Variants in CSMD1 observed in about 807,000 individuals in gnomAD.
CSMD1 encodes the protein CUB and Sushi multiple domains 1, also known as CUB and sushi domain-containing protein 1.
Under a neutral mutation model 417.5 loss-of-function variants are expected in CSMD1, and 213 were observed. The observed-to-expected ratio is 0.51, with a 90% CI of 0.46 to 0.57. CSMD1 has a LOEUF of 0.57. Ranked by LOEUF, CSMD1 falls within the 20% of genes least tolerant of loss-of-function variation. The pLI is 0.00. For synonymous variants in CSMD1, 2,862 were observed against 1,736.8 expected (o/e 1.65, Z -16.11); for missense variants, 6,923 against 4,529.7 (o/e 1.53, Z -15.17).
intron 1 of CSMD1, among the ~76,000 whole-genome samples, chr8:4,672,717 T>G (rs1397714156): frequency 6.6e-6 from 1 of 151,980 alleles, no homozygotes; most frequent in African/African-American, 2.4e-5. Flanking sequence ...CATGCACACA[T>G]GGTGACACAA....
chr8:3,002,514 C>A (rs1449999686), intron 52 of CSMD1, among the ~76,000 whole-genome samples: 1 of 152,164 alleles, frequency 6.6e-6, no homozygotes, highest in African/African-American at 2.4e-5. Context: ...ACTTCTGAAG[C>A]CTGGAACCAC....
At chr8:4,418,329 TC>T (rs937702810) in intron 3 of CSMD1, among the ~76,000 whole-genome samples, 38 of 152,184 alleles carry the variant, frequency 2.5e-4, no homozygotes, top group Non-Finnish European at 4.4e-4. Context: ...GAAATATTTT[TC>T]CAACATAGAC....
intron 2 of CSMD1, among the ~76,000 whole-genome samples, chr8:4,469,819 A>G (rs995279484): frequency 3.3e-5 from 5 of 151,686 alleles, no homozygotes; most frequent in African/African-American, 1.2e-4. Context: ...AGGGAACCCA[A>G]AGTCCTTAAA....
At chr8:4,203,885 G>C (rs968011325) in intron 3 of CSMD1, among the ~76,000 whole-genome samples, 2 of 152,102 alleles carry the variant, frequency 1.3e-5, no homozygotes, top group African/African-American at 2.4e-5. Context: ...TGGATCCCTT[G>C]AGCCAAGGAG....
At chr8:3,228,293 C>T (rs1380844625) in intron 27 of CSMD1, among the ~76,000 whole-genome samples, 1 of 152,114 alleles carries the variant, frequency 6.6e-6, no homozygotes, top group African/African-American at 2.4e-5. Context: ...TACATGAGTG[C>T]TAATTATAAT....
intron 5 of CSMD1, among the ~76,000 whole-genome samples, chr8:3,990,059 G>T (rs1487436067): frequency 6.6e-6 from 1 of 152,198 alleles, no homozygotes; most frequent in Non-Finnish European, 1.5e-5. Flanking sequence ...ATTTGAGAAT[G>T]ACTAAAATGG....
chr8:3,990,430 T>C (rs929219408), intron 5 of CSMD1, among the ~76,000 whole-genome samples: 2 of 152,156 alleles, frequency 1.3e-5, no homozygotes, highest in African/African-American at 4.8e-5. Flanking sequence ...GATAACTATT[T>C]TTCCTATTGG....
chr8:3,192,520 A>G (rs1254845751), intron 33 of CSMD1, among the ~76,000 whole-genome samples: 2 of 152,166 alleles, frequency 1.3e-5, no homozygotes, highest in Admixed American at 6.5e-5. Context: ...CTACTACTCA[A>G]TTGTTTCCCA....
At chr8:4,150,563 A>G (rs1796517790) in intron 3 of CSMD1, among the ~76,000 whole-genome samples, 1 of 152,324 alleles carries the variant, frequency 6.6e-6, no homozygotes, top group Middle Eastern at 3.4e-3. Flanking sequence ...GACCCTGCTG[A>G]AGGATTCATA....
intron 1 of CSMD1, among the ~76,000 whole-genome samples, chr8:4,721,755 C>G (rs1225102589): frequency 6.6e-6 from 1 of 152,078 alleles, no homozygotes; most frequent in African/African-American, 2.4e-5. Flanking sequence ...TAGCTGCACT[C>G]CCATGTTCAC....
chr8:3,811,428 A>G lies in CSMD1; in HGVS notation c.819-57386T>C, dbSNP rs916943242. ...TAGTAAGGCATTTGCTTCATGTTCG[A>G]CTTACTGGGAGTGGGCATGGATTTT... On this transcript the variant is annotated intron_variant, in intron 5 of 69. Transcript: ENST00000635120. 5.3e-5 allele frequency among the ~76,000 whole-genome samples: 8 copies of G among 152,164 alleles called. No homozygotes were observed. The South Asian group carries it at 1.4e-3, about 28-fold the overall frequency.
rs968815061 is a variant in CSMD1, at chr8:4,302,844, C to G, written c.415+117109G>C. On this transcript the variant is annotated intron_variant, in intron 3 of 69. Transcript: ENST00000635120. ...AGGGTCCTAGTGACCCTGTGTTTTCCAGGACTAGCAGGCAGGACCAGCAGT... is the reference window on the plus strand; with the variant it reads ...AGGGTCCTAGTGACCCTGTGTTTTCGAGGACTAGCAGGCAGGACCAGCAGT... Among the ~76,000 whole-genome samples, 3 of 152,070 alleles carry G rather than the reference C, an allele frequency of 2.0e-5. No individual in the cohort carries two copies. In the South Asian group the frequency reaches 6.2e-4, roughly 32 times the overall value.
Position 3,257,784 on chromosome 8 carries a change from A to C in CSMD1, c.4153+26360T>G, listed in dbSNP as rs558901308. On this transcript the variant is annotated intron_variant, in intron 26 of 69. Coordinates refer to ENST00000635120, the MANE Select transcript of CSMD1 (RefSeq NM_033225.6). ...AAGGGGGTGGATGATGAGGCTTCCAAGGGAGGTGTGAGGGCGATCGGTGGG... is the reference window on the plus strand; with the variant it reads ...AAGGGGGTGGATGATGAGGCTTCCACGGGAGGTGTGAGGGCGATCGGTGGG... 7.2e-5 allele frequency among the ~76,000 whole-genome samples: 11 copies of C among 152,202 alleles called. No homozygotes were observed. The South Asian group carries it at 2.1e-3, about 29-fold the overall frequency.
At chr8:3,937,301 G>C (rs1165073345) in intron 5 of CSMD1, among the ~76,000 whole-genome samples, 2 of 152,094 alleles carry the variant, frequency 1.3e-5, no homozygotes, top group Admixed American at 6.6e-5. Context: ...TTCTCCTGTA[G>C]GTATAATGCT....
chr8:4,314,866 A>G (rs183123593), intron 3 of CSMD1, among the ~76,000 whole-genome samples: 3 of 152,322 alleles, frequency 2.0e-5, no homozygotes, highest in Admixed American at 6.5e-5. Flanking sequence ...TGGGTGTTAG[A>G]AAACGCTTCC....
intron 2 of CSMD1, among the ~76,000 whole-genome samples, chr8:4,622,164 A>C (rs1045184034): frequency 2.7e-5 from 4 of 149,612 alleles, no homozygotes; most frequent in African/African-American, 1.0e-4. Flanking sequence ...AAGAGGGGTA[A>C]AGAGAATTAA....
At chr8:4,452,861 A>G (rs917677957) in intron 2 of CSMD1, among the ~76,000 whole-genome samples, 2 of 152,180 alleles carry the variant, frequency 1.3e-5, no homozygotes, top group African/African-American at 4.8e-5. Flanking sequence ...AGAAGGTGAT[A>G]TAGGAAGGCC....
intron 2 of CSMD1, among the ~76,000 whole-genome samples, chr8:4,532,874 G>A (rs112787546): frequency 0.016 from 2,309 of 146,134 alleles, 30 homozygotes; most frequent in Non-Finnish European, 0.024. Context: ...CAGTCACTCC[G>A]GAAGAGAAAT....
Position 3,127,615 on chromosome 8 carries a change from T to G in CSMD1, c.6242-9028A>C, listed in dbSNP as rs1380736415. On this transcript the variant is annotated intron_variant, in intron 41 of 69. Transcript: ENST00000635120. ...TGATTGTGATGAAGAATAAACAGATTTAACACATTCGATTATCTTTAAAAA... is the reference window on the plus strand; with the variant it reads ...TGATTGTGATGAAGAATAAACAGATGTAACACATTCGATTATCTTTAAAAA... 2.6e-5 allele frequency: 4 copies of G among 152,132 alleles called. No individual in the cohort carries two copies. The East Asian group carries it at 5.8e-4, about 22-fold the overall frequency. 9.4% of individuals were successfully genotyped at this position (152,132 alleles called of 1,614,324 possible).
Sources: allele counts gnomAD v4.1 joint callset (sites outside exome capture counted in the v4.1 genomes callset), GRCh38; gene constraint gnomAD v4.1.1; transcripts MANE v1.5; gene names NCBI Gene and HGNC (gene_info 2026-07-23, HGNC 2026-07-21).